Variants in EIPR1 observed in about 807,000 individuals in gnomAD.
EIPR1 encodes EARP and GARP complex-interacting protein 1.
EIPR1 carries 25 observed loss-of-function variants against 48.1 expected under a neutral mutation model. The ratio of observed to expected loss-of-function variants is 0.52; its 90% CI spans 0.38 to 0.73. The LOEUF is 0.73. EIPR1 is among the 30% of genes least tolerant of loss of function. EIPR1 has a pLI of 0.00. For synonymous variants in EIPR1, 204 were observed against 201.9 expected, an observed-to-expected ratio of 1.01 and a Z score of -0.09; for missense variants, 415 against 506.2, an observed-to-expected ratio of 0.82 and a Z score of 1.73.
In EIPR1 at chr2:3,209,422, G is replaced by A. The variant is rs183204687; in HGVS notation, c.516+4727C>T. On this transcript the variant is annotated intron_variant, in intron 5 of 8. Transcript: ENST00000382125. ...TGTCCTCGCTGCCCCCTACAACAGGGAAGCTCGGACTCCGTGTCCCCCGCA... is the reference window on the plus strand; with the variant it reads ...TGTCCTCGCTGCCCCCTACAACAGGAAAGCTCGGACTCCGTGTCCCCCGCA... Among the ~76,000 whole-genome samples the A allele has an allele frequency of 2.2e-3, 329 of 152,338 alleles. 1 individual carries two copies. The highest frequency in any genetic ancestry group is 7.1e-3 in the African/African-American group (294 of 41,580).
At chr2:3,233,584 C>T (rs1166870513) in intron 4 of EIPR1, among the ~76,000 whole-genome samples, 1 of 152,224 alleles carries the variant, frequency 6.6e-6, no homozygotes, top group African/African-American at 2.4e-5. Flanking sequence ...GCCAACCTCA[C>T]AGGGTATGTC....
intron 4 of EIPR1, among the ~76,000 whole-genome samples, chr2:3,223,263 T>A (rs925171877): frequency 6.6e-6 from 1 of 152,212 alleles, no homozygotes; most frequent in Non-Finnish European, 1.5e-5. Context: ...TCGCTGGGAC[T>A]TTCCCTGGTC....
intron 1 of EIPR1, among the ~76,000 whole-genome samples, chr2:3,361,226 G>A (rs1169884563): frequency 6.6e-6 from 1 of 152,104 alleles, no homozygotes; most frequent in Non-Finnish European, 1.5e-5. Flanking sequence ...ACGTAGCTAA[G>A]GGGCTTTCAT....
At chr2:3,266,066 T>C (rs1275505328) in intron 3 of EIPR1, among the ~76,000 whole-genome samples, 1 of 152,236 alleles carries the variant, frequency 6.6e-6, no homozygotes, top group Non-Finnish European at 1.5e-5. Flanking sequence ...TATTCGCGAC[T>C]GCCAACTGCA....
chr2:3,277,641 A>C (rs777750784), intron 3 of EIPR1, among the ~76,000 whole-genome samples: 4 of 152,222 alleles, frequency 2.6e-5, no homozygotes, highest in Non-Finnish European at 4.4e-5. Flanking sequence ...GACCCACCTG[A>C]CTAGGCTGAG....
chr2:3,376,977 T>A (rs1659904321), intron 1 of EIPR1, among the ~76,000 whole-genome samples: 1 of 152,216 alleles, frequency 6.6e-6, no homozygotes, highest in South Asian at 2.1e-4. Context: ...CTTGCTGTCC[T>A]GAACTACCAT....
At chr2:3,365,209 G>A (rs1376914759) in intron 1 of EIPR1, among the ~76,000 whole-genome samples, 10 of 151,860 alleles carry the variant, frequency 6.6e-5, no homozygotes, top group East Asian at 3.9e-4. Flanking sequence ...AGGCCAAGGC[G>A]GAAAGATTGC....
chr2:3,250,682 G>A (rs992356283), intron 4 of EIPR1, among the ~76,000 whole-genome samples: 2 of 152,200 alleles, frequency 1.3e-5, no homozygotes, highest in East Asian at 3.9e-4. Context: ...CCTAGTGGGA[G>A]GTACTGGACC....
chr2:3,274,018 A>C (rs1200690304), intron 3 of EIPR1, among the ~76,000 whole-genome samples: 4 of 152,242 alleles, frequency 2.6e-5, no homozygotes, highest in Non-Finnish European at 5.9e-5. Flanking sequence ...ATGACTGTTG[A>C]AATAGAAGTC....
chr2:3,295,431 GCA>G (rs1491372455), intron 3 of EIPR1, among the ~76,000 whole-genome samples: 7 of 17,032 alleles, frequency 4.1e-4, no homozygotes, highest in Non-Finnish European at 6.8e-4. Flanking sequence ...CATCCTCTCT[GCA>G]CACACACACC....
chr2:3,271,993 G>A (rs1420664562), intron 3 of EIPR1, among the ~76,000 whole-genome samples: 1 of 152,232 alleles, frequency 6.6e-6, no homozygotes, highest in African/African-American at 2.4e-5. Flanking sequence ...AGAACTTGCT[G>A]CAGCTTCTCC....
At chr2:3,331,088 G>T (rs1669883820) in intron 3 of EIPR1, among the ~76,000 whole-genome samples, 1 of 138,752 alleles carries the variant, frequency 7.2e-6, no homozygotes, top group Non-Finnish European at 1.6e-5. Flanking sequence ...CTCATGAGAT[G>T]GTGTGAGCAG....
chr2:3,355,128 AGGAGGAAGCCTAG>A lies in EIPR1; in HGVS notation c.43-508_43-496del, dbSNP rs577730797. On this transcript the variant is annotated intron_variant, in intron 1 of 8. Transcript: ENST00000382125. ...ACAAAGAAATGCCAAGATCCAGGAC[AGGAGGAAGCCTAG>A]GGGGGAAGCCCAGCACCTGGTCACG... Among the ~76,000 whole-genome samples the A allele has an allele frequency of 1.4e-4, 21 of 152,352 alleles. 1 individual carries two copies. The South Asian group carries it at 4.3e-3, about 32-fold the overall frequency.
chr2:3,287,573 C>CGCTCCAGAAAGCACGTTCACCAT (rs1668235853), intron 3 of EIPR1, among the ~76,000 whole-genome samples: 4 of 150,612 alleles, frequency 2.7e-5, no homozygotes, highest in African/African-American at 9.8e-5. Context: ...GCGTTCACCA[C>CGCTCCAGAAAGCACGTTCACCAT]GCTCCAGAAA....
At position 3,306,428 on chromosome 2, in the gene EIPR1, C is replaced by T. The variant is rs147099992; in HGVS notation, c.259+31589G>A. ...AAGTTTGGTTTTCTTTATGAAATTA[C>T]GGTTGGGCCATAAACAACACACAGT... is the stretch of plus-strand genomic sequence containing the variant. On this transcript the variant is annotated intron_variant, in intron 3 of 8. Coordinates refer to ENST00000382125, the MANE Select transcript of EIPR1 (RefSeq NM_003310.5). Among the ~76,000 whole-genome samples, 854 of 152,210 alleles carry T rather than the reference C, an allele frequency of 5.6e-3. 6 individuals carry two copies. Among genetic ancestry groups the T allele is most frequent in the African/African-American group, 0.019 (798 of 41,528 alleles).
At chr2:3,366,053 AT>A (rs1670967854) in intron 1 of EIPR1, among the ~76,000 whole-genome samples, 1 of 152,214 alleles carries the variant, frequency 6.6e-6, no homozygotes, top group Non-Finnish European at 1.5e-5. Flanking sequence ...CACACTTGTA[AT>A]TCCAGCACTT....
chr2:3,229,627 AG>A (rs1666174872), intron 4 of EIPR1, among the ~76,000 whole-genome samples: 1 of 152,244 alleles, frequency 6.6e-6, no homozygotes, highest in Non-Finnish European at 1.5e-5. Context: ...TCAACGTGAT[AG>A]ATCTTTGCTT....
At chr2:3,269,265 CATG>C (rs1558263141) in intron 3 of EIPR1, among the ~76,000 whole-genome samples, 19 of 93,202 alleles carry the variant, frequency 2.0e-4, no homozygotes, top group African/African-American at 6.2e-4. Context: ...CGCACTCAGT[CATG>C]GCACTCAGTC....
intron 3 of EIPR1, among the ~76,000 whole-genome samples, chr2:3,284,721 T>C (rs939645766): frequency 6.6e-6 from 1 of 152,126 alleles, no homozygotes; most frequent in African/African-American, 2.4e-5. Context: ...GGATTCCAAC[T>C]CGAGTCTGCC....
Sources: gnomAD v4.1 joint callset for allele counts (sites outside exome capture counted in the v4.1 genomes callset) on GRCh38, gnomAD v4.1.1 for gene constraint, MANE v1.5 for transcripts, NCBI Gene and HGNC (gene_info 2026-07-23, HGNC 2026-07-21) for gene names.